CDC14A: variants seen among roughly 807,000 people sequenced by gnomAD.
CDC14A encodes dual specificity protein phosphatase CDC14A.
CDC14A carries 53 observed loss-of-function variants against 74.4 expected under a neutral mutation model. The ratio of observed to expected loss-of-function variants is 0.71; its 90% CI spans 0.57 to 0.89. The LOEUF is 0.89. CDC14A is among the 40% of genes least tolerant of loss of function. CDC14A has a pLI of 0.00. For missense variants in CDC14A, 646 were observed against 713.7 expected (o/e 0.91, Z 1.08); for synonymous variants, 247 against 258.4 (o/e 0.96, Z 0.43).
At position 100,442,957 on chromosome 1, in the gene CDC14A, C is replaced by A; in HGVS notation, c.480C>A (p.Asp160Glu). Residue 160 changes from aspartate (D) to glutamate (E), a missense_variant, in exon 7 of 16, where the codon GAC becomes GAA. Coordinates refer to ENST00000336454, the MANE Select transcript of CDC14A (RefSeq NM_003672.4). ...AGGGATTACAACATGGATTTTTTGA[C>A]TTTGAGACATTTGATGTGGATGAAT... ...IRKGLQHGFF[D>E]FETFDVDEYE... The A allele has an allele frequency of 6.2e-7, 1 of 1,603,574 alleles. No individual in the cohort carries two copies. The highest frequency in any genetic ancestry group is 8.5e-7 in the Non-Finnish European group (1 of 1,171,308).
At chr1:100,373,563 T>C (rs916157036) in intron 2 of CDC14A, among the ~76,000 whole-genome samples, 1 of 152,218 alleles carries the variant, frequency 6.6e-6, no homozygotes, top group Admixed American at 6.5e-5. Context: ...AAAAATGCAC[T>C]ATCTGTGAGC....
At chr1:100,425,941 T>C (rs977692632) in intron 5 of CDC14A, among the ~76,000 whole-genome samples, 1 of 152,178 alleles carries the variant, frequency 6.6e-6, no homozygotes, top group African/African-American at 2.4e-5. Flanking sequence ...CTGTAGTAAA[T>C]AAGTATCTCG....
intron 10 of CDC14A, among the ~76,000 whole-genome samples, chr1:100,470,538 T>A (rs1458703864): frequency 6.6e-6 from 1 of 152,154 alleles, no homozygotes; most frequent in Non-Finnish European, 1.5e-5. Context: ...AGCAAAATTT[T>A]AAAATTCTGC....
Position 100,468,019 on chromosome 1 carries a change from A to G in CDC14A, c.902A>G (p.His301Arg). The change falls in exon 10 of 16, where the codon CAT becomes CGT. Residue 301 changes from histidine to arginine, a missense_variant. Transcript: ENST00000336454. The stretch of plus-strand genomic sequence containing the variant: ...GTAATGAAACACTACAGGTTTACAC[A>G]TGCTGAAATAATTGCTTGGATTAGA... ...CYVMKHYRFT[H>R]AEIIAWIRIC... 6.2e-7 allele frequency: 1 copy of G among 1,613,166 alleles called. No individual in the cohort carries two copies. The highest frequency in any genetic ancestry group is 8.5e-7 in the Non-Finnish European group (1 of 1,179,630).
intron 15 of CDC14A, among the ~76,000 whole-genome samples, chr1:100,501,941 A>G (rs538204827): frequency 6.6e-6 from 1 of 152,238 alleles, no homozygotes; most frequent in Non-Finnish European, 1.5e-5. Context: ...GTAAAGGAAG[A>G]AAATACTTGG....
chr1:100,414,987 G>A (rs1377353792), intron 4 of CDC14A, among the ~76,000 whole-genome samples: 2 of 152,080 alleles, frequency 1.3e-5, no homozygotes, highest in Non-Finnish European at 1.5e-5. Flanking sequence ...GTCTATGCTG[G>A]TACATGAACT....
chr1:100,398,309 G>C (rs1658808984), intron 4 of CDC14A, among the ~76,000 whole-genome samples: 1 of 151,954 alleles, frequency 6.6e-6, no homozygotes, highest in African/African-American at 2.4e-5. Context: ...AGACCCTTTG[G>C]GCTACCTCCC....
chr1:100,491,147 A>T (rs973302572), intron 11 of CDC14A, among the ~76,000 whole-genome samples: 1 of 152,196 alleles, frequency 6.6e-6, no homozygotes, highest in South Asian at 2.1e-4. Flanking sequence ...AAAATTAGGC[A>T]TATCTAGACA....
chr1:100,397,983 G>A (rs144622936), intron 4 of CDC14A, among the ~76,000 whole-genome samples: 25 of 152,304 alleles, frequency 1.6e-4, no homozygotes, highest in African/African-American at 5.5e-4. Flanking sequence ...TTCTCCATTT[G>A]GCTTAGTGGT....
At chr1:100,383,236 A>G (rs1260084997) in intron 3 of CDC14A, among the ~76,000 whole-genome samples, 1 of 152,162 alleles carries the variant, frequency 6.6e-6, no homozygotes, top group Admixed American at 6.5e-5. Flanking sequence ...AGAGAATCCC[A>G]CGTGCCTTCA....
At chr1:100,449,643 G>T (rs1325249073) in intron 7 of CDC14A, among the ~76,000 whole-genome samples, 1 of 152,056 alleles carries the variant, frequency 6.6e-6, no homozygotes, top group Non-Finnish European at 1.5e-5. Flanking sequence ...ATGTAGCCTT[G>T]TGTGGTACTC....
At chr1:100,346,531 C>T (rs1650442097) in intron 1 of CDC14A, among the ~76,000 whole-genome samples, 1 of 151,174 alleles carries the variant, frequency 6.6e-6, no homozygotes. Flanking sequence ...ACTCTGGAGC[C>T]TGAGATGGGG....
At chr1:100,443,578 T>A (rs1665201083) in intron 7 of CDC14A, among the ~76,000 whole-genome samples, 1 of 151,928 alleles carries the variant, frequency 6.6e-6, no homozygotes, top group Non-Finnish European at 1.5e-5. Context: ...CAAGTGATCC[T>A]CTTGCCTCGG....
rs77256173 is a variant in CDC14A at position 100,457,145 on chromosome 1, C to T, written c.607+1653C>T. On this transcript the variant is annotated intron_variant, in intron 8 of 15. Transcript: ENST00000336454. ...ATTTGGCAAAGTCGAAAGACTTTCA[C>T]CATTTGTGATTCATGTGTTTGACTA... Among the ~76,000 whole-genome samples the T allele has an allele frequency of 3.3e-5, 5 of 152,210 alleles. No individual in the cohort carries two copies. The East Asian group carries it at 7.7e-4, about 23-fold the overall frequency.
At chr1:100,402,196 A>G (rs1659356994) in intron 4 of CDC14A, among the ~76,000 whole-genome samples, 1 of 151,900 alleles carries the variant, frequency 6.6e-6, no homozygotes, top group South Asian at 2.1e-4. Flanking sequence ...ATCCATTATC[A>G]GAGTGTGACT....
Position 100,463,779 on chromosome 1 carries a change from G to C in CDC14A, c.838+898G>C, listed in dbSNP as rs1309745781. ...ACTCCATTCCAGATCTTTCGGTATG[G>C]ATAATACTGGAAATATTCCAGATAT... is the stretch of plus-strand genomic sequence containing the variant. On this transcript the variant is annotated intron_variant, in intron 9 of 15. Coordinates refer to ENST00000336454, the MANE Select transcript of CDC14A (RefSeq NM_003672.4). 2.0e-5 allele frequency among the ~76,000 whole-genome samples: 3 copies of C among 152,212 alleles called. No homozygotes were observed. In the Middle Eastern group the frequency reaches 0.01, roughly 518 times the overall value.
At chr1:100,346,516 C>T (rs1218750427) in intron 1 of CDC14A, among the ~76,000 whole-genome samples, 3 of 151,700 alleles carry the variant, frequency 2.0e-5, no homozygotes. Flanking sequence ...TCTGTAGTCT[C>T]AGCTACTCTG....
At chr1:100,395,849 C>T (rs985363973) in intron 4 of CDC14A, among the ~76,000 whole-genome samples, 1 of 152,174 alleles carries the variant, frequency 6.6e-6, no homozygotes, top group Non-Finnish European at 1.5e-5. Flanking sequence ...CATGCTTGTT[C>T]CTACCAAAGA....
At chr1:100,449,501 T>G (rs1665909141) in intron 7 of CDC14A, among the ~76,000 whole-genome samples, 1 of 152,136 alleles carries the variant, frequency 6.6e-6, no homozygotes, top group Admixed American at 6.5e-5. Context: ...CCACGCAGCT[T>G]ACCCGGTGGC....
Sources: allele counts gnomAD v4.1 joint callset (sites outside exome capture counted in the v4.1 genomes callset), GRCh38; gene constraint gnomAD v4.1.1; transcripts MANE v1.5; gene names NCBI Gene and HGNC (gene_info 2026-07-23, HGNC 2026-07-21).